PIBF1: variants seen among roughly 807,000 people sequenced by gnomAD.
PIBF1 encodes the protein progesterone immunomodulatory binding factor 1, also known as progesterone-induced-blocking factor 1.
A neutral mutation model predicts 112.5 loss-of-function variants in PIBF1; 90 were observed. That is an observed-to-expected ratio of 0.80 (90% CI 0.67 to 0.95). The LOEUF is 0.95. Ranked by LOEUF, PIBF1 falls within the 40% of genes least tolerant of loss-of-function variation. The pLI is 0.00. For synonymous variants in PIBF1, 301 were observed against 288.6 expected (o/e 1.04, Z -0.44); for missense variants, 915 against 852.3 (o/e 1.07, Z -0.92).
intron 16 of PIBF1, among the ~76,000 whole-genome samples, chr13:72,990,486 A>T (rs1286826752): frequency 7.0e-6 from 1 of 142,506 alleles, no homozygotes; most frequent in Non-Finnish European, 1.5e-5. Flanking sequence ...GTGCCACTAC[A>T]CTCCAGCCTG....
intron 2 of PIBF1, among the ~76,000 whole-genome samples, chr13:72,790,371 A>G (rs1397202897): frequency 6.6e-6 from 1 of 150,538 alleles, no homozygotes; most frequent in Non-Finnish European, 1.5e-5. Context: ...TGAAGGTGTA[A>G]CTTATAGATT....
At chr13:72,981,870 C>T (rs2043165876) in intron 16 of PIBF1, among the ~76,000 whole-genome samples, 1 of 152,180 alleles carries the variant, frequency 6.6e-6, no homozygotes, top group African/African-American at 2.4e-5. Context: ...ATATTCCTTA[C>T]ATCTTCTACA....
intron 5 of PIBF1, among the ~76,000 whole-genome samples, chr13:72,814,735 T>A (rs761480275): frequency 2.4e-4 from 36 of 151,916 alleles, no homozygotes; most frequent in Middle Eastern, 6.8e-3. Context: ...GCCTTTATTA[T>A]TTAAAAAAAA....
chr13:72,905,512 T>A (rs2040672784), intron 11 of PIBF1, among the ~76,000 whole-genome samples: 1 of 152,176 alleles, frequency 6.6e-6, no homozygotes, highest in Non-Finnish European at 1.5e-5. Context: ...AAAAATATAT[T>A]AAATATATAT....
intron 16 of PIBF1, among the ~76,000 whole-genome samples, chr13:72,974,414 T>C (rs2042970349): frequency 1.3e-5 from 2 of 152,236 alleles, no homozygotes; most frequent in African/African-American, 4.8e-5. Context: ...TTTCTGTAAC[T>C]ATTGTTTACC....
intron 13 of PIBF1, among the ~76,000 whole-genome samples, chr13:72,930,555 C>T (rs1310076355): frequency 6.6e-6 from 1 of 152,080 alleles, no homozygotes; most frequent in African/African-American, 2.4e-5. Context: ...ATTTTAAATA[C>T]TAAAGGTCAG....
At chr13:72,864,427 G>A (rs1156326936) in intron 10 of PIBF1, among the ~76,000 whole-genome samples, 1 of 152,210 alleles carries the variant, frequency 6.6e-6, no homozygotes, top group Non-Finnish European at 1.5e-5. Flanking sequence ...TGATGTGGAT[G>A]AAGGAAACAT....
chr13:72,900,031 G>A (rs1384300536), intron 11 of PIBF1, among the ~76,000 whole-genome samples: 1 of 152,024 alleles, frequency 6.6e-6, no homozygotes, highest in Non-Finnish European at 1.5e-5. Flanking sequence ...AAATACTTAA[G>A]AATATTCCTA....
intron 2 of PIBF1, among the ~76,000 whole-genome samples, chr13:72,785,862 T>A (rs2034571777): frequency 6.6e-6 from 1 of 152,238 alleles, no homozygotes; most frequent in Admixed American, 6.5e-5. Flanking sequence ...TGTTTTCAAC[T>A]TGCATTGTCC....
intron 5 of PIBF1, among the ~76,000 whole-genome samples, chr13:72,814,692 A>C (rs1566304823): frequency 6.6e-6 from 1 of 152,054 alleles, no homozygotes; most frequent in Non-Finnish European, 1.5e-5. Flanking sequence ...ACACATTTAA[A>C]GCTATGCCAA....
In PIBF1 at chr13:72,839,933, G is replaced by A. The variant is rs906803257; in HGVS notation, c.1223+4565G>A. ...CATCAAAATGGACACTACCTAACCA[G>A]GGGATTCCTGGGATTGGGGCTGCCC... On this transcript the variant is annotated intron_variant, in intron 9 of 17. Transcript: ENST00000326291. Among the ~76,000 whole-genome samples, 3 of 152,130 alleles carry A rather than the reference G, an allele frequency of 2.0e-5. No individual in the cohort carries two copies. The South Asian group carries it at 6.2e-4, about 32-fold the overall frequency.
At chr13:72,969,071 A>T (rs1173112992) in intron 15 of PIBF1, among the ~76,000 whole-genome samples, 1 of 152,128 alleles carries the variant, frequency 6.6e-6, no homozygotes, top group Non-Finnish European at 1.5e-5. Context: ...TGGTCCTAAC[A>T]GCACCCGATT....
intron 16 of PIBF1, among the ~76,000 whole-genome samples, chr13:72,996,087 CGG>C (rs33958342): frequency 1.0e-4 from 1 of 9,776 alleles, no homozygotes; most frequent in African/African-American, 3.4e-4. Context: ...AAAAAAAAAG[CGG>C]GGGGGGGGGG....
At chr13:72,861,748 T>C (rs1478872618) in intron 10 of PIBF1, among the ~76,000 whole-genome samples, 1 of 152,116 alleles carries the variant, frequency 6.6e-6, no homozygotes, top group Non-Finnish European at 1.5e-5. Flanking sequence ...GTATTTTTAG[T>C]AGGTATGGGG....
intron 13 of PIBF1, among the ~76,000 whole-genome samples, chr13:72,917,986 C>G (rs374422627): frequency 6.6e-6 from 1 of 152,126 alleles, no homozygotes; most frequent in South Asian, 2.1e-4. Flanking sequence ...CCATGCATCC[C>G]GTGGATACCA....
intron 12 of PIBF1, among the ~76,000 whole-genome samples, chr13:72,914,969 A>G (rs1566442005): frequency 6.6e-6 from 1 of 152,204 alleles, no homozygotes; most frequent in Admixed American, 6.5e-5. Flanking sequence ...CAGATACTGC[A>G]TCTCAGATTT....
intron 5 of PIBF1, among the ~76,000 whole-genome samples, chr13:72,801,544 G>T (rs140171700): frequency 6.6e-6 from 1 of 152,086 alleles, no homozygotes; most frequent in Admixed American, 6.6e-5. Flanking sequence ...GTAAACAAAC[G>T]TAAAGATGCA....
chr13:72,910,805 G>C (rs1390683312), intron 12 of PIBF1, among the ~76,000 whole-genome samples: 1 of 152,124 alleles, frequency 6.6e-6, no homozygotes, highest in Non-Finnish European at 1.5e-5. Flanking sequence ...GGAGAAGTAA[G>C]TAGCAACAAA....
At chr13:72,876,543 T>C (rs184504398) in intron 10 of PIBF1, among the ~76,000 whole-genome samples, 2 of 152,322 alleles carry the variant, frequency 1.3e-5, no homozygotes, top group Non-Finnish European at 2.9e-5. Flanking sequence ...ATCTTCACAA[T>C]ATTGCGTCTT....
Sources: gnomAD v4.1 joint callset for allele counts (sites outside exome capture counted in the v4.1 genomes callset) on GRCh38, gnomAD v4.1.1 for gene constraint, MANE v1.5 for transcripts, NCBI Gene and HGNC (gene_info 2026-07-23, HGNC 2026-07-21) for gene names.